Variants in TUB observed in about 807,000 individuals in gnomAD.
The protein encoded by TUB is tubby protein homolog.
In TUB, 33 loss-of-function variants were observed where a neutral mutation model predicts 59.7. The ratio of observed to expected loss-of-function variants is 0.55; its 90% confidence interval spans 0.42 to 0.74. TUB has a LOEUF of 0.74. Ranked by LOEUF, TUB falls within the 30% of genes least tolerant of loss-of-function variation. The probability of loss-of-function intolerance (pLI) is 0.00; values close to 1 mark genes in which losing one functional copy is unlikely to be tolerated. For missense variants in TUB, 659 were observed against 672.0 expected, an observed-to-expected ratio of 0.98 and a Z score of 0.21; for synonymous variants, 293 against 256.4, an observed-to-expected ratio of 1.14 and a Z score of -1.36.
chr11:8,072,280 C>T (rs1943374853), intron 2 of TUB, among the ~76,000 whole-genome samples: 1 of 152,118 alleles, frequency 6.6e-6, no homozygotes, highest in Non-Finnish European at 1.5e-5. Context: ...CAGAGCTCAG[C>T]TTGGAGATGC....
intron 1 of TUB, among the ~76,000 whole-genome samples, chr11:8,023,851 AT>A (rs1942465426): frequency 2.6e-5 from 4 of 152,060 alleles, no homozygotes; most frequent in Admixed American, 2.0e-4. Flanking sequence ...CCCATTAACC[AT>A]TTTGTCTCCA....
intron 2 of TUB, among the ~76,000 whole-genome samples, chr11:8,063,577 G>A (rs1273310782): frequency 6.6e-6 from 1 of 152,116 alleles, no homozygotes; most frequent in Non-Finnish European, 1.5e-5. Context: ...GTGTTCACTC[G>A]ACCCAGTTTG....
At chr11:8,020,808 A>G (rs554724816) in intron 1 of TUB, among the ~76,000 whole-genome samples, 2 of 152,168 alleles carry the variant, frequency 1.3e-5, no homozygotes, top group African/African-American at 4.8e-5. Context: ...AACAAAACCT[A>G]CAAACTTTGG....
At chr11:8,046,220 T>C (rs1056781062) in intron 2 of TUB, among the ~76,000 whole-genome samples, 2 of 152,218 alleles carry the variant, frequency 1.3e-5, no homozygotes, top group African/African-American at 4.8e-5. Flanking sequence ...CTCAGGATCA[T>C]TGCCTTGCAC....
intron 2 of TUB, among the ~76,000 whole-genome samples, chr11:8,072,801 A>C (rs1175504324): frequency 1.3e-5 from 2 of 152,262 alleles, no homozygotes; most frequent in African/African-American, 4.8e-5. Context: ...AGCTCCCCTC[A>C]GTCTTGTGTG....
chr11:8,024,035 A>G (rs1942467937), intron 1 of TUB, among the ~76,000 whole-genome samples: 1 of 152,166 alleles, frequency 6.6e-6, no homozygotes, highest in South Asian at 2.1e-4. Context: ...AATCTCATAC[A>G]CATGAATTGC....
At chr11:8,101,130 A>G (rs1944280863) in intron 11 of TUB, 133 bp downstream of exon 11, 4 of 1,123,242 alleles carry the variant, frequency 3.6e-6, no homozygotes, top group South Asian at 1.6e-5. Context: ...GGTTAGATGT[A>G]TGGAACTTTC....
intron 1 of TUB, among the ~76,000 whole-genome samples, chr11:8,032,548 G>A (rs1184528508): frequency 6.6e-6 from 1 of 152,178 alleles, no homozygotes; most frequent in Non-Finnish European, 1.5e-5. Flanking sequence ...TACAACCTCA[G>A]ATCTGGCCCT....
chr11:8,038,944 G>C, exon 1 of TUB: 1 of 1,614,044 alleles, frequency 6.2e-7, no homozygotes, highest in Non-Finnish European at 8.5e-7. Flanking sequence ...TTGTTCCCAG[G>C]AGGCACTCCC....
intron 1 of TUB, among the ~76,000 whole-genome samples, chr11:8,023,310 C>T (rs1942456956): frequency 1.3e-5 from 2 of 152,202 alleles, no homozygotes; most frequent in Admixed American, 1.3e-4. Flanking sequence ...ACAGGCCTTA[C>T]CTCTTGGAGG....
intron 2 of TUB, among the ~76,000 whole-genome samples, chr11:8,056,454 C>G (rs770141687): frequency 4.6e-5 from 7 of 151,954 alleles, no homozygotes; most frequent in Non-Finnish European, 1.0e-4. Flanking sequence ...GGTGCGCATG[C>G]TTGTGCTGAC....
upstream of TUB, among the ~76,000 whole-genome samples, chr11:8,034,783 C>T (rs1394161425): frequency 1.3e-5 from 2 of 152,208 alleles, no homozygotes. Context: ...CCATCTCCTC[C>T]CCTTAGCAGA....
At position 8,097,124 on chromosome 11, in the gene TUB, CCT is replaced by C. The variant is rs1944031295; in HGVS notation, c.688-98_688-97del. ...CCAGGCCCCAATCCCAGGATCCTTCCCTCTCTCCCACCGCCACGTTAGGAGGC... is the reference window on the plus strand; with the variant it reads ...CCAGGCCCCAATCCCAGGATCCTTCCCTCTCCCACCGCCACGTTAGGAGGC... On this transcript the variant is annotated intron_variant, in intron 6 of 11. Transcript: ENST00000299506. The C allele has an allele frequency of 1.3e-5, 17 of 1,316,932 alleles. No individual in the cohort carries two copies. The South Asian group carries it at 2.1e-4, about 16-fold the overall frequency. 81.6% of individuals were successfully genotyped at this position (1,316,932 alleles called of 1,614,324 possible).
At position 8,090,177 on chromosome 11, in the gene TUB, C is replaced by A. The variant is rs1943744917; in HGVS notation, c.199C>A (p.Gln67Lys). 6.2e-7 allele frequency: 1 copy of A among 1,613,754 alleles called. No individual in the cohort carries two copies. The highest frequency in any genetic ancestry group is 2.2e-5 in the East Asian group (1 of 44,882). ...CCGGCGGGCCCGGCAGTCAGAGGAA[C>A]AAGCCCCCCTGGTGGAGTCCTACCT... ...RSRRARQSEE[Q>K]APLVESYLSS... The change falls in exon 3 of 12, where the codon CAA becomes AAA. Residue 67 changes from glutamine (Q) to lysine (K), a missense_variant. By Grantham distance (53) the Gln-to-Lys change is moderately conservative (BLOSUM62 1). Coordinates refer to ENST00000299506, the MANE Select transcript of TUB (RefSeq NM_177972.3).
At chr11:8,072,646 G>A (rs975913366) in intron 2 of TUB, among the ~76,000 whole-genome samples, 2 of 152,162 alleles carry the variant, frequency 1.3e-5, no homozygotes, top group East Asian at 1.9e-4. Flanking sequence ...ACAGACACAC[G>A]TCCCTTCTCA....
intron 1 of TUB, among the ~76,000 whole-genome samples, chr11:8,029,420 G>A (rs1277787288): frequency 1.5e-5 from 2 of 132,848 alleles, no homozygotes; most frequent in Admixed American, 8.6e-5. Context: ...ACAGAGTCTC[G>A]CTCTTTCTCC....
intron 9 of TUB, among the ~76,000 whole-genome samples, 192 bp downstream of exon 9, chr11:8,099,067 C>T (rs1379951961): frequency 6.6e-6 from 1 of 152,052 alleles, no homozygotes; most frequent in East Asian, 1.9e-4. Context: ...AGAGCTCACA[C>T]CACAGCCGGC....
Position 8,097,435 on chromosome 11 carries a change from G to C in TUB, c.885+10G>C, listed in dbSNP as rs529995597. On this transcript the variant is annotated intron_variant, in intron 7 of 11. Transcript: ENST00000299506. ...TGAGGATGGGAAGAAGGTAAGGTTG[G>C]TCTGGGCATGTTATCATCTAGGCTT... The C allele has an allele frequency of 6.2e-7, 1 of 1,614,208 alleles. No individual in the cohort carries two copies. The highest frequency in any genetic ancestry group is 1.3e-5 in the African/African-American group (1 of 75,048).
At chr11:8,026,081 C>T (rs1478062460) in intron 1 of TUB, among the ~76,000 whole-genome samples, 5 of 152,148 alleles carry the variant, frequency 3.3e-5, no homozygotes, top group Admixed American at 6.5e-5. Context: ...AGCATCTTTT[C>T]ATGTGCTTAT....
Sources: gnomAD v4.1 joint callset for allele counts (sites outside exome capture counted in the v4.1 genomes callset) on GRCh38, gnomAD v4.1.1 for gene constraint, MANE v1.5 for transcripts, NCBI Gene and HGNC (gene_info 2026-07-23, HGNC 2026-07-21) for gene names.